CAST: variants seen among roughly 807,000 people sequenced by gnomAD.
CAST encodes MIR583 host.
A neutral mutation model predicts 119.6 loss-of-function variants in CAST; 76 were observed. That is an observed-to-expected ratio of 0.64 (90% CI 0.53 to 0.77). The LOEUF is 0.77. CAST is among the 30% of genes least tolerant of loss of function. The probability of loss-of-function intolerance (pLI) is 0.00; values close to 1 mark genes in which losing one functional copy is unlikely to be tolerated. For synonymous variants in CAST, 319 were observed against 331.6 expected (o/e 0.96, Z 0.41); for missense variants, 953 against 946.5 (o/e 1.01, Z -0.09).
chr5:96,621,132 C>T (rs765328549), intron 1 of CAST, among the ~76,000 whole-genome samples: 2 of 152,114 alleles, frequency 1.3e-5, no homozygotes, highest in Non-Finnish European at 2.9e-5. Flanking sequence ...GTCGTTTGTA[C>T]TTGGAGTGAT....
the CAST span, among the ~76,000 whole-genome samples, chr5:95,986,570 A>C: frequency 6.6e-6 from 1 of 151,412 alleles, no homozygotes; most frequent in Non-Finnish European, 1.5e-5. Flanking sequence ...CCTCTTTTTA[A>C]CTTTTTGTCA....
At chr5:96,728,983 G>T in intron 6 of CAST, 170 bp from the exon 7 acceptor site, 1 of 580,298 alleles carries the variant, frequency 1.7e-6, no homozygotes, top group Non-Finnish European at 3.1e-6. Flanking sequence ...CTATTGACCT[G>T]ATACCACATG....
chr5:96,159,985 C>T, the CAST span, among the ~76,000 whole-genome samples: 1 of 143,484 alleles, frequency 7.0e-6, no homozygotes, highest in Non-Finnish European at 1.5e-5. Context: ...AAAAAAAAAT[C>T]AAAAATTAGC....
chr5:96,551,174 G>C (rs983893959), intron 1 of CAST, among the ~76,000 whole-genome samples: 1 of 152,122 alleles, frequency 6.6e-6, no homozygotes, highest in Admixed American at 6.6e-5. Flanking sequence ...AGAGAAAGGT[G>C]GTGTTACCCA....
chr5:96,170,162 A>T, the CAST span, among the ~76,000 whole-genome samples: 1 of 152,198 alleles, frequency 6.6e-6, no homozygotes, highest in Non-Finnish European at 1.5e-5. Flanking sequence ...TCAGCCGCTA[A>T]GCCGAGTAAA....
At chr5:96,432,024 C>T in the CAST span, 1 of 1,251,424 alleles carries the variant, frequency 8.0e-7, no homozygotes, top group Non-Finnish European at 1.1e-6. Flanking sequence ...ACCTATCGAC[C>T]AAGCCTTCAC....
the CAST span, among the ~76,000 whole-genome samples, chr5:96,230,952 A>G: frequency 6.6e-6 from 1 of 152,148 alleles, no homozygotes; most frequent in African/African-American, 2.4e-5. Context: ...ACTACTTCAC[A>G]TTCGCTAGAA....
chr5:96,586,137 A>C (rs1746855686), intron 1 of CAST, among the ~76,000 whole-genome samples: 1 of 152,170 alleles, frequency 6.6e-6, no homozygotes, highest in Non-Finnish European at 1.5e-5. Context: ...ATCCCATTTT[A>C]TAGATAAGGA....
chr5:96,659,725 T>G (rs1335389506), upstream of CAST, among the ~76,000 whole-genome samples: 2 of 152,148 alleles, frequency 1.3e-5, no homozygotes, highest in Non-Finnish European at 2.9e-5. Flanking sequence ...AGACGGGGTT[T>G]CGTCGTGTTG....
chr5:96,035,612 G>C, the CAST span, among the ~76,000 whole-genome samples: 2 of 151,904 alleles, frequency 1.3e-5, no homozygotes, highest in African/African-American at 4.8e-5. Flanking sequence ...GGAGTGTAAA[G>C]AGTGGAATGG....
the CAST span, among the ~76,000 whole-genome samples, chr5:96,382,291 G>C: frequency 6.6e-6 from 1 of 152,118 alleles, no homozygotes; most frequent in Non-Finnish European, 1.5e-5. Context: ...ATGCGACCTT[G>C]ATCAGGTGAA....
upstream of CAST, among the ~76,000 whole-genome samples, chr5:96,527,211 T>A (rs1561406853): frequency 6.6e-6 from 1 of 152,204 alleles, no homozygotes; most frequent in Non-Finnish European, 1.5e-5. Flanking sequence ...CACATTTACA[T>A]TATCAAGGTG....
At chr5:96,010,787 C>T in the CAST span, among the ~76,000 whole-genome samples, 639 of 152,260 alleles carry the variant, frequency 4.2e-3, 3 homozygotes, top group Non-Finnish European at 6.7e-3. Context: ...TCATCAGTGT[C>T]TTGTAATTTT....
chr5:96,361,111 G>C, the CAST span, among the ~76,000 whole-genome samples: 2 of 152,142 alleles, frequency 1.3e-5, no homozygotes, highest in South Asian at 4.1e-4. Flanking sequence ...CAGAATTCCT[G>C]GCAGCTTTGT....
chr5:96,238,309 T>TCTTCTC, the CAST span, among the ~76,000 whole-genome samples: 2 of 35,046 alleles, frequency 5.7e-5, no homozygotes, highest in Non-Finnish European at 1.4e-4. Context: ...TGTTTCTTCT[T>TCTTCTC]CTTCTTCTTC....
chr5:96,467,906 G>C, the CAST span, among the ~76,000 whole-genome samples: 10 of 152,076 alleles, frequency 6.6e-5, no homozygotes, highest in African/African-American at 2.4e-4. Context: ...AGGAAAAAAA[G>C]TCATTCTATT....
chr5:96,407,837 T>G, the CAST span, among the ~76,000 whole-genome samples: 2 of 152,212 alleles, frequency 1.3e-5, no homozygotes, highest in African/African-American at 4.8e-5. Context: ...TGGAAACTAT[T>G]TAAACAAAAT....
chr5:96,349,539 C>T, the CAST span, among the ~76,000 whole-genome samples: 2 of 152,056 alleles, frequency 1.3e-5, no homozygotes, highest in Admixed American at 6.6e-5. Flanking sequence ...AACTCTTTGG[C>T]GTCAGCAAGA....
At chr5:96,619,361 CAAAATGGACCAATCAGCTCTCTGT>C (rs1381607964) in intron 1 of CAST, among the ~76,000 whole-genome samples, 2,551 of 152,228 alleles carry the variant, frequency 0.017, 78 homozygotes, top group African/African-American at 0.058. Flanking sequence ...AGCACCCTGT[CAAAATGGACCAATCAGCTCTCTGT>C]AAAATGGACC....
Sources: gnomAD v4.1 joint callset for allele counts (sites outside exome capture counted in the v4.1 genomes callset) on GRCh38, gnomAD v4.1.1 for gene constraint, MANE v1.5 for transcripts, NCBI Gene and HGNC (gene_info 2026-07-23, HGNC 2026-07-21) for gene names.